MACROD2: variants seen among roughly 807,000 people sequenced by gnomAD.
The protein encoded by MACROD2 is mono-ADP ribosylhydrolase 2.
In MACROD2, 36 loss-of-function variants were observed where a neutral mutation model predicts 70.4. That is an observed-to-expected ratio of 0.51 (90% confidence interval 0.39 to 0.68). The LOEUF is 0.68. Ranked by LOEUF, MACROD2 falls within the 30% of genes least tolerant of loss-of-function variation. The probability of loss-of-function intolerance (pLI) is 0.00; values close to 1 mark genes in which losing one functional copy is unlikely to be tolerated. For missense variants in MACROD2, 496 were observed against 538.4 expected (o/e 0.92, Z 0.78); for synonymous variants, 172 against 178.8 (o/e 0.96, Z 0.30).
intron 5 of MACROD2, among the ~76,000 whole-genome samples, chr20:14,695,341 CCTTCT>C (rs1600550922): frequency 1.3e-5 from 2 of 152,132 alleles, no homozygotes; most frequent in East Asian, 3.9e-4. Flanking sequence ...TGTCTTTACC[CCTTCT>C]CTTCTCTTAT....
intron 3 of MACROD2, among the ~76,000 whole-genome samples, chr20:14,425,030 GCAAAA>G (rs1183716760): frequency 6.6e-6 from 1 of 152,076 alleles, no homozygotes; most frequent in Non-Finnish European, 1.5e-5. Context: ...CTTTGAACAC[GCAAAA>G]CAATATGATT....
At chr20:14,084,001 G>T (rs1390776456) in intron 2 of MACROD2, among the ~76,000 whole-genome samples, 2 of 137,394 alleles carry the variant, frequency 1.5e-5, no homozygotes, top group South Asian at 4.9e-4. Context: ...GGCGGAGCTT[G>T]CAGTGAGCCG....
At chr20:15,110,826 T>G (rs2075948506) in intron 5 of MACROD2, among the ~76,000 whole-genome samples, 1 of 152,334 alleles carries the variant, frequency 6.6e-6, no homozygotes, top group East Asian at 1.9e-4. Context: ...TCCCTAGGTC[T>G]GAGAGCCAGT....
At chr20:14,584,237 C>T (rs921648604) in intron 4 of MACROD2, among the ~76,000 whole-genome samples, 6 of 152,088 alleles carry the variant, frequency 3.9e-5, no homozygotes, top group East Asian at 3.9e-4. Context: ...TAGGGCATGC[C>T]GAGATAACTG....
intron 5 of MACROD2, among the ~76,000 whole-genome samples, chr20:14,871,371 G>A (rs774215995): frequency 2.6e-5 from 4 of 152,066 alleles, no homozygotes; most frequent in Non-Finnish European, 2.9e-5. Flanking sequence ...AATATTTAAC[G>A]TTCTTGAATA....
chr20:14,760,800 G>C (rs1386716525), intron 5 of MACROD2, among the ~76,000 whole-genome samples: 1 of 151,844 alleles, frequency 6.6e-6, no homozygotes, highest in Non-Finnish European at 1.5e-5. Flanking sequence ...ACAAACTTAG[G>C]TCTCCACTTA....
intron 5 of MACROD2, among the ~76,000 whole-genome samples, chr20:15,065,641 G>A (rs894168510): frequency 6.3e-5 from 9 of 142,646 alleles, no homozygotes; most frequent in African/African-American, 1.5e-4. Flanking sequence ...GCGACAGAGC[G>A]AGACTCCGTC....
At position 14,280,797 on chromosome 20, in the gene MACROD2, G is replaced by A. The variant is rs138441989; in HGVS notation, c.271+195069G>A. 9.9e-5 allele frequency among the ~76,000 whole-genome samples: 15 copies of A among 152,148 alleles called. No individual in the cohort carries two copies. In the East Asian group the frequency reaches 2.9e-3, roughly 29 times the overall value. ...TTGGGATGACGTTATTGCATTAGTC[G>A]ATCATTATTTCTCCTTAAATATAAC... On this transcript the variant is annotated intron_variant, in intron 3 of 17. Coordinates refer to ENST00000684519, the MANE Select transcript of MACROD2 (RefSeq NM_001351661.2).
chr20:15,043,786 G>A (rs34073865), intron 5 of MACROD2, among the ~76,000 whole-genome samples: 7,824 of 152,168 alleles, frequency 0.051, 337 homozygotes, highest in African/African-American at 0.12. Flanking sequence ...AGGTTCCCAC[G>A]ACACTCTCCT....
chr20:15,041,152 T>A (rs1600988112), intron 5 of MACROD2, among the ~76,000 whole-genome samples: 1 of 152,208 alleles, frequency 6.6e-6, no homozygotes, highest in African/African-American at 2.4e-5. Context: ...TAGTTTCTGA[T>A]CTCCATTTGT....
rs11428226 is a variant in MACROD2, at chr20:15,163,304, GA to G, written c.419-66627del. 3.3e-5 allele frequency among the ~76,000 whole-genome samples: 5 copies of G among 149,544 alleles called. No homozygotes were observed. The East Asian group carries it at 7.8e-4, about 23-fold the overall frequency. On this transcript the variant is annotated intron_variant, in intron 5 of 17. Transcript: ENST00000684519. ...ATTATCAGAAGATTAAACTATTCAG[GA>G]AAAAAAAAGAACTTTATACTATTTA...
intron 8 of MACROD2, among the ~76,000 whole-genome samples, chr20:15,847,782 A>G (rs897678327): frequency 6.6e-6 from 1 of 152,164 alleles, no homozygotes; most frequent in Non-Finnish European, 1.5e-5. Context: ...AGAAAGGTTG[A>G]CATTTAGTTG....
intron 3 of MACROD2, among the ~76,000 whole-genome samples, chr20:14,124,110 T>C (rs2054616942): frequency 6.6e-6 from 1 of 152,220 alleles, no homozygotes. Flanking sequence ...GATTTGTTTC[T>C]ATTTGTATAA....
At chr20:14,177,505 G>A (rs1240343296) in intron 3 of MACROD2, among the ~76,000 whole-genome samples, 3 of 151,842 alleles carry the variant, frequency 2.0e-5, no homozygotes, top group South Asian at 2.1e-4. Context: ...TAGTAGAGAC[G>A]GGGTTTCTTC....
chr20:15,643,232 T>G (rs771095663), intron 8 of MACROD2, among the ~76,000 whole-genome samples: 3 of 152,164 alleles, frequency 2.0e-5, no homozygotes, highest in Non-Finnish European at 4.4e-5. Flanking sequence ...CTCAACCTTG[T>G]TCCCCATGCT....
At chr20:14,076,971 A>G (rs756644824) in intron 2 of MACROD2, among the ~76,000 whole-genome samples, 15 of 152,230 alleles carry the variant, frequency 9.9e-5, no homozygotes, top group Non-Finnish European at 8.8e-5. Context: ...GCATAGCAGT[A>G]AAACAAAAAT....
intron 3 of MACROD2, among the ~76,000 whole-genome samples, chr20:14,136,522 AAGGC>A (rs1281654747): frequency 6.6e-6 from 1 of 152,156 alleles, no homozygotes; most frequent in Non-Finnish European, 1.5e-5. Flanking sequence ...CTGTTAATGT[AAGGC>A]AGCGGTTCTC....
chr20:14,313,317 A>G (rs1300158119), intron 3 of MACROD2, among the ~76,000 whole-genome samples: 12 of 152,200 alleles, frequency 7.9e-5, no homozygotes, highest in African/African-American at 2.2e-4. Flanking sequence ...TGAACATTAA[A>G]TATTCCACAT....
At chr20:14,522,228 C>T (rs2085176757) in intron 4 of MACROD2, among the ~76,000 whole-genome samples, 1 of 152,066 alleles carries the variant, frequency 6.6e-6, no homozygotes, top group African/African-American at 2.4e-5. Flanking sequence ...GATGGCCATA[C>T]ATAACACAGA....
Sources: gnomAD v4.1 joint callset for allele counts (sites outside exome capture counted in the v4.1 genomes callset) on GRCh38, gnomAD v4.1.1 for gene constraint, MANE v1.5 for transcripts, NCBI Gene and HGNC (gene_info 2026-07-23, HGNC 2026-07-21) for gene names.